SLC22A14: variants seen among roughly 807,000 people sequenced by gnomAD.
SLC22A14 encodes the protein solute carrier family 22 member 14, also known as organic cation transporter-like 4.
Under a neutral mutation model 53.9 loss-of-function variants are expected in SLC22A14, and 50 were observed. That is an observed-to-expected ratio of 0.93 (90% CI 0.74 to 1.17). The LOEUF is 1.17. Among genes scored for constraint, SLC22A14 ranks in the 50% most tolerant of loss-of-function variants. The pLI is 0.00. For synonymous variants in SLC22A14, 312 were observed against 303.0 expected (o/e 1.03, Z -0.31); for missense variants, 671 against 734.7 (o/e 0.91, Z 1.00).
At chr3:38,297,727 A>G (rs1376356405) in intron 1 of SLC22A14, among the ~76,000 whole-genome samples, 4 of 152,202 alleles carry the variant, frequency 2.6e-5, no homozygotes, top group Admixed American at 2.0e-4. Context: ...GCAGGGGTGT[A>G]TGATGTCATC....
intron 1 of SLC22A14, among the ~76,000 whole-genome samples, chr3:38,285,042 A>G (rs553825260): frequency 6.6e-6 from 1 of 152,326 alleles, no homozygotes; most frequent in Admixed American, 6.5e-5. Flanking sequence ...GGTAGTGAGG[A>G]AGCAGTGAGA....
Position 38,306,369 on chromosome 3 carries a change from C to A in SLC22A14, c.343C>A (p.Gln115Lys). 6.2e-7 allele frequency: 1 copy of A among 1,614,208 alleles called. No individual in the cohort carries two copies. Among genetic ancestry groups the A allele is most frequent in the Non-Finnish European group, 8.5e-7 (1 of 1,180,036 alleles). ...AVGPHLSKAE[Q>K]LNLTIPQAPN... ...GGGCCCCCACCTGTCCAAAGCTGAG[C>A]AGCTGAATCTGACCATACCCCAAGC... The change falls in exon 2 of 11, where the codon CAG (glutamine) becomes AAG (lysine). Residue 115 changes from glutamine to lysine, a missense_variant. By Grantham distance (53) the Gln-to-Lys change is moderately conservative. Coordinates refer to ENST00000448498, the MANE Select transcript of SLC22A14 (RefSeq NM_001320033.2).
In SLC22A14 at chr3:38,306,349, C is replaced by A. The variant is rs9847584; in HGVS notation, c.323C>A (p.Pro108His). The A allele has an allele frequency of 2.6e-3, 4,159 of 1,614,148 alleles. 88 individuals are homozygous for A. In the African/African-American group the frequency reaches 0.048, roughly 18 times the overall value. The change falls in exon 2 of 11, where the codon CCC becomes CAC. Residue 108 changes from proline (P) to histidine (H), a missense_variant. Physicochemically the swap from Pro to His is moderately conservative, Grantham distance 77. Transcript: ENST00000448498. ...CNTSWILAVG[P>H]HLSKAEQLNL... ...ACCAGCTGGATCCTGGCAGTGGGCC[C>A]CCACCTGTCCAAAGCTGAGCAGCTG...
intron 6 of SLC22A14, 96 bp downstream of exon 6, chr3:38,313,215 G>T: frequency 1.3e-6 from 2 of 1,535,154 alleles, no homozygotes; most frequent in East Asian, 2.3e-5. Flanking sequence ...GGTCCAGAGG[G>T]TGCCCCCAGT....
Position 38,307,822 on chromosome 3 carries a change from C to T in SLC22A14, c.775+102C>T. ...GTGGCAGGGGGCGTGGCGGCATAGG[C>T]AGATGGCAAGGGGGCGTGGTGTAGC... is the stretch of plus-strand genomic sequence containing the variant. On this transcript the variant is annotated intron_variant, in intron 4 of 10. Transcript: ENST00000448498. The surrounding 1 kb of genome is among the most constrained non-coding windows in gnomAD (Gnocchi z 4.4). The T allele has an allele frequency of 2.3e-6, 3 of 1,324,528 alleles. No homozygotes were observed. The highest frequency in any genetic ancestry group is 3.2e-6 in the Non-Finnish European group (3 of 944,124). The allele number at this position is 1,324,528 out of a possible 1,614,324, so 82.0% of individuals were successfully genotyped here.
At chr3:38,313,580 C>A (rs1305153799) in intron 7 of SLC22A14, 95 bp downstream of exon 7, 2 of 1,028,042 alleles carry the variant, frequency 1.9e-6, no homozygotes, top group East Asian at 4.9e-5. Context: ...GCAGGGGAGG[C>A]AGCCCAAGGA....
At chr3:38,303,665 AC>A (rs1477662327) in intron 1 of SLC22A14, 2 of 152,166 alleles carry the variant, frequency 1.3e-5, no homozygotes, top group East Asian at 3.8e-4. Context: ...TTTATTTAAT[AC>A]AATCAATATT....
At chr3:38,297,552 A>T (rs897694595) in intron 1 of SLC22A14, among the ~76,000 whole-genome samples, 54 of 152,076 alleles carry the variant, frequency 3.6e-4, no homozygotes, top group Non-Finnish European at 1.2e-4. Context: ...TGCTGCATGG[A>T]TCAATCCATC....
chr3:38,305,706 T>C (rs964988242), intron 1 of SLC22A14: 2 of 306,096 alleles, frequency 6.5e-6, no homozygotes, highest in South Asian at 1.3e-4. Context: ...GGTGTCTCAG[T>C]GTGTGTGTAA....
At chr3:38,281,964 C>T (rs550507688), upstream of SLC22A14, among the ~76,000 whole-genome samples, 6 of 152,246 alleles carry the variant, frequency 3.9e-5, no homozygotes, top group South Asian at 2.1e-4. Flanking sequence ...GGGAGTGTCA[C>T]GGAGAGACAG....
rs749301587 is a variant in SLC22A14, at chr3:38,313,085, ACAAGAAGAC to A, written c.1034_1042del (p.Lys345_Thr347del). ...GTGCTGTGCTACGCCGCAAGTGTGA[ACAAGAAGAC>A]CATTCCTTCAAATCTGCTGGACGAG... On this transcript the variant is annotated inframe_deletion, in exon 6 of 11. Coordinates refer to ENST00000448498, the MANE Select transcript of SLC22A14 (RefSeq NM_001320033.2). The A allele has an allele frequency of 6.2e-7, 1 of 1,608,150 alleles. No homozygotes were observed.
Position 38,315,579 on chromosome 3 carries a change from A to C in SLC22A14, c.1400A>C (p.Lys467Thr), listed in dbSNP as rs1473121992. 1 of 1,614,046 alleles carries C rather than the reference A, an allele frequency of 6.2e-7. No individual in the cohort carries two copies. Among genetic ancestry groups the C allele is most frequent in the Non-Finnish European group, 8.5e-7 (1 of 1,179,990 alleles). Reference protein sequence around the residue: ...LPEGEDGLRLKWPRCPATELK... With the variant: ...LPEGEDGLRLTWPRCPATELK... ...CCAGGGGAGGATGGCCTCAGACTCA[A>C]GTGGCCACGTTGTCCGGCCACAGAG... The change falls in exon 9 of 11, where the codon AAG becomes ACG. Residue 467 changes from lysine to threonine, a missense_variant. Coordinates refer to ENST00000448498, the MANE Select transcript of SLC22A14 (RefSeq NM_001320033.2).
intron 1 of SLC22A14, among the ~76,000 whole-genome samples, chr3:38,298,426 C>CTA (rs1030917174): frequency 1.0e-4 from 2 of 19,086 alleles, no homozygotes; most frequent in African/African-American, 4.4e-4. Context: ...GCACACACAT[C>CTA]TATCTATCTA....
chr3:38,300,415 G>T (rs1284635958), intron 1 of SLC22A14, among the ~76,000 whole-genome samples: 1 of 152,164 alleles, frequency 6.6e-6, no homozygotes, highest in Non-Finnish European at 1.5e-5. Context: ...ACTCCAGTCT[G>T]GGGGACACAG....
Position 38,316,334 on chromosome 3 carries a change from C to A in SLC22A14, c.1543C>A (p.Leu515Met). Reference sequence around the variant, plus strand: ...CACCTCCACTTTCAGGGCGACAGGTCTGGGGCTGGTGTCTCTGGCCTCGGT... The same window carrying A: ...CACCTCCACTTTCAGGGCGACAGGTATGGGGCTGGTGTCTCTGGCCTCGGT... ...LLPTVLRATG[L>M]GLVSLASVAG... Residue 515 changes from leucine to methionine, a missense_variant, in exon 10 of 11, where the codon CTG (leucine) becomes ATG (methionine). Physicochemically the swap from Leu to Met is conservative, Grantham distance 15. Transcript: ENST00000448498. 1 of 1,614,144 alleles carries A rather than the reference C, an allele frequency of 6.2e-7. No individual in the cohort carries two copies. Among genetic ancestry groups the A allele is most frequent in the South Asian group, 1.1e-5 (1 of 91,076 alleles).
At chr3:38,306,883 C>T (rs1157906639) in intron 2 of SLC22A14, among the ~76,000 whole-genome samples, 1 of 152,222 alleles carries the variant, frequency 6.6e-6, no homozygotes, top group Non-Finnish European at 1.5e-5. Context: ...TACGGGGCTT[C>T]CCAACCCGAG....
chr3:38,291,456 A>T (rs1575404040), intron 1 of SLC22A14, among the ~76,000 whole-genome samples: 1 of 152,244 alleles, frequency 6.6e-6, no homozygotes, highest in South Asian at 2.1e-4. Flanking sequence ...AAGTTGTCTG[A>T]CAGCCACAAG....
Position 38,288,542 on chromosome 3 carries a change from C to T in SLC22A14, c.-1+6203C>T, listed in dbSNP as rs1252367944. ...ATGGTGGCTACACCCTTTTACATTC[C>T]AATACAAAAGGGTTCGAATTTCTCC... On this transcript the variant is annotated intron_variant, in intron 1 of 10. Transcript: ENST00000448498. Among the ~76,000 whole-genome samples the T allele has an allele frequency of 2.6e-5, 4 of 152,124 alleles. No homozygotes were observed. The East Asian group carries it at 5.8e-4, about 22-fold the overall frequency.
chr3:38,309,444 G>A (rs576882363), intron 5 of SLC22A14, among the ~76,000 whole-genome samples: 1 of 152,324 alleles, frequency 6.6e-6, no homozygotes, highest in South Asian at 2.1e-4. Context: ...GAAAGGGTCT[G>A]CCAGCCTTGG....
Sources: gnomAD v4.1 joint callset for allele counts (sites outside exome capture counted in the v4.1 genomes callset) on GRCh38, gnomAD v4.1.1 for gene constraint, Gnocchi (gnomAD v3.1) non-coding constraint, MANE v1.5 for transcripts, NCBI Gene and HGNC (gene_info 2026-07-23, HGNC 2026-07-21) for gene names.